Variants in MACROD2 observed in about 807,000 individuals in gnomAD.
MACROD2 encodes the protein mono-ADP ribosylhydrolase 2.
MACROD2 carries 36 observed loss-of-function variants against 70.4 expected under a neutral mutation model. The ratio of observed to expected loss-of-function variants is 0.51; its 90% confidence interval spans 0.39 to 0.68. The LOEUF (loss-of-function observed/expected upper bound fraction) is 0.68, where lower values mean the gene tolerates loss of function less well. Ranked by LOEUF, MACROD2 falls within the 30% of genes least tolerant of loss-of-function variation. MACROD2 has a pLI of 0.00. For synonymous variants in MACROD2, 172 were observed against 178.8 expected (o/e 0.96, Z 0.30); for missense variants, 496 against 538.4 (o/e 0.92, Z 0.78).
intron 8 of MACROD2, among the ~76,000 whole-genome samples, chr20:15,510,290 C>T (rs2047481230): frequency 6.6e-6 from 1 of 152,176 alleles, no homozygotes; most frequent in Non-Finnish European, 1.5e-5. Context: ...TACTGAAGGA[C>T]ATTCTAACAA....
chr20:14,381,290 C>T (rs942618263), intron 3 of MACROD2, among the ~76,000 whole-genome samples: 17 of 152,122 alleles, frequency 1.1e-4, no homozygotes, highest in Admixed American at 5.2e-4. Flanking sequence ...TGCATGTAAA[C>T]TGTATTTTGG....
chr20:14,254,613 C>T (rs923325557), intron 3 of MACROD2, among the ~76,000 whole-genome samples: 4 of 152,104 alleles, frequency 2.6e-5, no homozygotes, highest in Non-Finnish European at 5.9e-5. Flanking sequence ...CTACGAAATA[C>T]TAAACATTTC....
At position 15,227,823 on chromosome 20, in the gene MACROD2, G is replaced by GTTTTTTTTTTTT. The variant is rs59129207; in HGVS notation, c.419-2102_419-2091dup. Among the ~76,000 whole-genome samples the GTTTTTTTTTTTT allele has an allele frequency of 4.4e-3, 204 of 46,082 alleles. 40 individuals carry two copies. Among genetic ancestry groups the GTTTTTTTTTTTT allele is most frequent in the African/African-American group, 5.0e-3 (52 of 10,308 alleles). The allele number at this position is 46,082 out of a possible 152,430, so 30.2% of individuals were successfully genotyped here. On this transcript the variant is annotated intron_variant, in intron 5 of 17. Transcript: ENST00000684519. ...TAACTGGTGTGATAGAATTTCACCT[G>GTTTTTTTTTTTT]TTTTTTTTTTTTTTTTTTTTTTTTT...
At chr20:14,736,861 T>G (rs908355750) in intron 5 of MACROD2, among the ~76,000 whole-genome samples, 2 of 152,070 alleles carry the variant, frequency 1.3e-5, no homozygotes, top group African/African-American at 4.8e-5. Context: ...CAGCAAAAAA[T>G]GGAAACAAAT....
At chr20:16,034,540 G>A (rs942188839) in intron 15 of MACROD2, among the ~76,000 whole-genome samples, 2 of 151,980 alleles carry the variant, frequency 1.3e-5, no homozygotes, top group African/African-American at 2.4e-5. Flanking sequence ...TTAAATGTAC[G>A]TGCAGATGCC....
At chr20:14,064,588 G>A (rs990120331) in intron 2 of MACROD2, among the ~76,000 whole-genome samples, 10 of 151,922 alleles carry the variant, frequency 6.6e-5, no homozygotes, top group African/African-American at 2.4e-4. Context: ...AATATGCCTC[G>A]AGTATTATTG....
At chr20:15,628,666 C>T (rs1237849669) in intron 8 of MACROD2, among the ~76,000 whole-genome samples, 1 of 152,206 alleles carries the variant, frequency 6.6e-6, no homozygotes, top group East Asian at 1.9e-4. Flanking sequence ...AAAGGACACT[C>T]AGTGCCATTC....
chr20:15,013,040 T>C (rs2075094988), intron 5 of MACROD2, among the ~76,000 whole-genome samples: 1 of 152,142 alleles, frequency 6.6e-6, no homozygotes, highest in African/African-American at 2.4e-5. Context: ...AAAAAGTATG[T>C]ATAACAACAT....
intron 4 of MACROD2, among the ~76,000 whole-genome samples, chr20:14,577,721 A>T (rs1044224526): frequency 2.0e-5 from 3 of 151,878 alleles, no homozygotes; most frequent in African/African-American, 7.3e-5. Context: ...ATTCAAGGTT[A>T]CAGTAAGCTA....
At chr20:15,613,623 T>G (rs368530275) in intron 8 of MACROD2, among the ~76,000 whole-genome samples, 28 of 152,236 alleles carry the variant, frequency 1.8e-4, no homozygotes, top group East Asian at 9.6e-4. Context: ...GAAAGCTATT[T>G]ATAATGACCT....
intron 15 of MACROD2, among the ~76,000 whole-genome samples, chr20:15,990,076 T>C (rs2066537728): frequency 6.6e-6 from 1 of 152,140 alleles, no homozygotes. Context: ...ACAGTGGACA[T>C]GTCCCTGGGA....
At chr20:15,680,189 C>T (rs2050141609) in intron 8 of MACROD2, among the ~76,000 whole-genome samples, 1 of 152,152 alleles carries the variant, frequency 6.6e-6, no homozygotes, top group Non-Finnish European at 1.5e-5. Context: ...CATTGGATAT[C>T]ACCATTTCCC....
chr20:15,063,942 G>A (rs2075553913), intron 5 of MACROD2, among the ~76,000 whole-genome samples: 1 of 152,128 alleles, frequency 6.6e-6, no homozygotes, highest in African/African-American at 2.4e-5. Flanking sequence ...AAAATTTACT[G>A]CTGGAAATAA....
intron 5 of MACROD2, among the ~76,000 whole-genome samples, chr20:15,116,847 T>C (rs1410451525): frequency 6.6e-6 from 1 of 152,210 alleles, no homozygotes; most frequent in East Asian, 1.9e-4. Context: ...TCAAAACTTA[T>C]ACTTGGATTG....
In MACROD2 at chr20:15,264,180, G is replaced by A. The variant is rs141988864; in HGVS notation, c.540+34119G>A. Among the ~76,000 whole-genome samples, 656 of 152,134 alleles carry A rather than the reference G, an allele frequency of 4.3e-3. 5 individuals are homozygous for A. Among genetic ancestry groups the A allele is most frequent in the African/African-American group, 0.014 (583 of 41,508 alleles). ...CCATTTCCTCTAATTGTGCCTTTTT[G>A]CTTTGTGGAAATTAATGGAAGATGC... On this transcript the variant is annotated intron_variant, in intron 6 of 17. Transcript: ENST00000684519.
At chr20:14,115,481 G>C (rs1261166110) in intron 3 of MACROD2, among the ~76,000 whole-genome samples, 1 of 152,178 alleles carries the variant, frequency 6.6e-6, no homozygotes, top group Non-Finnish European at 1.5e-5. Context: ...GCTAGACTTA[G>C]GTTGGATGAA....
At chr20:14,559,881 C>T (rs950882771) in intron 4 of MACROD2, among the ~76,000 whole-genome samples, 1 of 151,666 alleles carries the variant, frequency 6.6e-6, no homozygotes. Flanking sequence ...ATGGCTGCTA[C>T]CATTTCTCTT....
At chr20:15,817,659 G>A (rs1423159817) in intron 8 of MACROD2, among the ~76,000 whole-genome samples, 3 of 152,078 alleles carry the variant, frequency 2.0e-5, no homozygotes. Flanking sequence ...CCTGGTGCCA[G>A]TATCTTAGGT....
At chr20:14,909,393 G>A (rs1312906830) in intron 5 of MACROD2, among the ~76,000 whole-genome samples, 26 of 152,060 alleles carry the variant, frequency 1.7e-4, no homozygotes. Flanking sequence ...CATTCATCAA[G>A]CTAATAGGCC....
Sources: allele counts gnomAD v4.1 joint callset (sites outside exome capture counted in the v4.1 genomes callset), GRCh38; gene constraint gnomAD v4.1.1; transcripts MANE v1.5; gene names NCBI Gene and HGNC (gene_info 2026-07-23, HGNC 2026-07-21).